Variants in LUZP2 observed in about 807,000 individuals in gnomAD.
LUZP2 encodes the protein leucine zipper protein 2.
A neutral mutation model predicts 51.6 loss-of-function variants in LUZP2; 52 were observed. The ratio of observed to expected loss-of-function variants is 1.01; its 90% CI spans 0.81 to 1.27. LUZP2 has a LOEUF of 1.27. LUZP2 is among the 50% of genes most tolerant of loss of function. The pLI is 0.00. For missense variants in LUZP2, 436 were observed against 395.4 expected (o/e 1.10, Z -0.87); for synonymous variants, 154 against 137.3 (o/e 1.12, Z -0.85).
At chr11:24,582,842 T>C (rs982302139) in intron 1 of LUZP2, among the ~76,000 whole-genome samples, 5 of 152,130 alleles carry the variant, frequency 3.3e-5, no homozygotes, top group African/African-American at 1.2e-4. Context: ...GAGTTATAAG[T>C]ATGAAAATCA....
chr11:24,777,152 C>T (rs949354587), intron 5 of LUZP2, among the ~76,000 whole-genome samples: 1 of 151,914 alleles, frequency 6.6e-6, no homozygotes, highest in Non-Finnish European at 1.5e-5. Flanking sequence ...CACCACCACG[C>T]CTGGCTAATT....
chr11:24,574,184 T>TC (rs1852534740), intron 1 of LUZP2, among the ~76,000 whole-genome samples: 1 of 148,370 alleles, frequency 6.7e-6, no homozygotes, highest in African/African-American at 2.5e-5. Flanking sequence ...TTTCTTTCTT[T>TC]TCTTTCTTTC....
chr11:25,046,226 C>CAAAAAAAA (rs67542459), intron 9 of LUZP2, among the ~76,000 whole-genome samples: 1 of 144,578 alleles, frequency 6.9e-6, no homozygotes, highest in Non-Finnish European at 1.5e-5. Context: ...AGTAATCCTC[C>CAAAAAAAA]AAAAAAAAAA....
chr11:24,870,477 A>ACG (rs781456297), intron 5 of LUZP2, among the ~76,000 whole-genome samples: 1 of 23,102 alleles, frequency 4.3e-5, no homozygotes, highest in Non-Finnish European at 9.8e-5. Context: ...TCCTACACAC[A>ACG]CACACACACA....
chr11:25,065,428 C>A (rs983086849), intron 10 of LUZP2, among the ~76,000 whole-genome samples: 4 of 151,894 alleles, frequency 2.6e-5, no homozygotes. Context: ...AAATATATGT[C>A]CTTATTTATT....
chr11:24,777,195 G>C (rs182310238), intron 5 of LUZP2, among the ~76,000 whole-genome samples: 3 of 151,908 alleles, frequency 2.0e-5, no homozygotes, highest in Middle Eastern at 3.4e-3. Flanking sequence ...GGGTTTCACC[G>C]TGTTAGCCAG....
At chr11:24,691,476 G>A (rs1416752906) in intron 1 of LUZP2, among the ~76,000 whole-genome samples, 1 of 136,578 alleles carries the variant, frequency 7.3e-6, no homozygotes, top group South Asian at 2.3e-4. Flanking sequence ...CTCATATTCT[G>A]TTTTTTTTTT....
At chr11:24,792,953 C>T (rs958963537) in intron 5 of LUZP2, among the ~76,000 whole-genome samples, 2 of 152,142 alleles carry the variant, frequency 1.3e-5, no homozygotes, top group African/African-American at 4.8e-5. Flanking sequence ...ACCAAAAGAT[C>T]TTCTAGCTTC....
intron 5 of LUZP2, among the ~76,000 whole-genome samples, chr11:24,788,801 C>T (rs1008496612): frequency 1.3e-5 from 2 of 151,972 alleles, no homozygotes; most frequent in Non-Finnish European, 2.9e-5. Flanking sequence ...TGCTGAATTC[C>T]CTCTTGCTCT....
intron 7 of LUZP2, among the ~76,000 whole-genome samples, chr11:24,926,887 A>T (rs922274240): frequency 6.6e-6 from 1 of 151,760 alleles, no homozygotes; most frequent in Non-Finnish European, 1.5e-5. Flanking sequence ...TTTTCACCAC[A>T]TTCACACCAA....
At position 24,976,604 on chromosome 11, in the gene LUZP2, C is replaced by T; in HGVS notation, c.536C>T (p.Thr179Ile). ...KDLLFKAQQL[T>I]DLEQKLAVAK... ...CTTATTTTACAGGCGCAGCAGCTTA[C>T]TGATCTGGAACAAAAATTAGCTGTA... The change falls in exon 8 of 12, where the codon ACT (threonine) becomes ATT (isoleucine). Residue 179 changes from threonine to isoleucine, a missense_variant. Coordinates refer to ENST00000336930, the MANE Select transcript of LUZP2 (RefSeq NM_001009909.4). The T allele has an allele frequency of 6.3e-7, 1 of 1,584,866 alleles. No individual in the cohort carries two copies. The highest frequency in any genetic ancestry group is 2.3e-5 in the East Asian group (1 of 43,136).
At chr11:25,066,747 A>G (rs137979591) in intron 10 of LUZP2, among the ~76,000 whole-genome samples, 3 of 152,014 alleles carry the variant, frequency 2.0e-5, no homozygotes, top group Non-Finnish European at 4.4e-5. Flanking sequence ...CGTTAGAGAG[A>G]GTTAAAAGTT....
At chr11:24,971,155 C>T (rs999658760) in intron 7 of LUZP2, among the ~76,000 whole-genome samples, 6 of 152,048 alleles carry the variant, frequency 3.9e-5, no homozygotes, top group Non-Finnish European at 7.4e-5. Flanking sequence ...GAGCAATTAT[C>T]CTCAACCTTT....
chr11:24,599,180 C>T (rs897231392), intron 1 of LUZP2, among the ~76,000 whole-genome samples: 3 of 152,056 alleles, frequency 2.0e-5, no homozygotes, highest in Non-Finnish European at 4.4e-5. Context: ...TGCTTTAGGT[C>T]TTGAGGCACT....
chr11:24,869,114 G>T (rs915904606), intron 5 of LUZP2, among the ~76,000 whole-genome samples: 3 of 152,262 alleles, frequency 2.0e-5, no homozygotes, highest in African/African-American at 7.2e-5. Flanking sequence ...CCAGTGGGAT[G>T]ACTTGAGCAG....
chr11:24,595,329 C>G (rs1853406178), intron 1 of LUZP2, among the ~76,000 whole-genome samples: 1 of 152,062 alleles, frequency 6.6e-6, no homozygotes, highest in Non-Finnish European at 1.5e-5. Flanking sequence ...TTTAAAATGT[C>G]AGGTGTTCCA....
chr11:24,755,833 T>G (rs148302992), intron 4 of LUZP2, among the ~76,000 whole-genome samples: 1,649 of 152,252 alleles, frequency 0.011, 25 homozygotes, highest in Non-Finnish European at 0.014. Flanking sequence ...AATCAAATTA[T>G]TTTACCTCAA....
chr11:24,865,624 T>C (rs1234168171), intron 5 of LUZP2, among the ~76,000 whole-genome samples: 1 of 152,024 alleles, frequency 6.6e-6, no homozygotes, highest in Non-Finnish European at 1.5e-5. Context: ...CATTTATCCC[T>C]CAGATGGTTA....
intron 4 of LUZP2, among the ~76,000 whole-genome samples, chr11:24,744,516 T>G (rs1305692942): frequency 6.6e-6 from 1 of 152,188 alleles, no homozygotes; most frequent in Non-Finnish European, 1.5e-5. Context: ...CATAGTAGCC[T>G]TGAGTGATCT....
Sources: allele counts gnomAD v4.1 joint callset (sites outside exome capture counted in the v4.1 genomes callset), GRCh38; gene constraint gnomAD v4.1.1; transcripts MANE v1.5; gene names NCBI Gene and HGNC (gene_info 2026-07-23, HGNC 2026-07-21).